SPAG16: variants seen among roughly 807,000 people sequenced by gnomAD.
SPAG16 encodes the protein sperm-associated antigen 16 protein.
In SPAG16, 86 loss-of-function variants were observed where a neutral mutation model predicts 80.4. The observed-to-expected ratio is 1.07, with a 90% CI of 0.90 to 1.28. The LOEUF (loss-of-function observed/expected upper bound fraction) is 1.28. Among genes scored for constraint, SPAG16 ranks in the 50% most tolerant of loss-of-function variants. The pLI is 0.00. For missense variants in SPAG16, 870 were observed against 765.3 expected, an observed-to-expected ratio of 1.14 and a Z score of -1.61; for synonymous variants, 294 against 265.9, an observed-to-expected ratio of 1.11 and a Z score of -1.03.
intron 15 of SPAG16, among the ~76,000 whole-genome samples, chr2:214,150,182 A>G (rs2055907534): frequency 1.3e-5 from 2 of 152,132 alleles, no homozygotes; most frequent in African/African-American, 2.4e-5. Context: ...TCTTTAGTCC[A>G]GAAAGTATGA....
intron 15 of SPAG16, among the ~76,000 whole-genome samples, chr2:214,250,753 T>TAGAGAGAGAGAGAGAG (rs747802708): frequency 4.0e-5 from 4 of 99,480 alleles, no homozygotes; most frequent in Non-Finnish European, 6.0e-5. Flanking sequence ...TATATATATA[T>TAGAGAGAGAGAGAGAG]ATATAGAGAG....
intron 10 of SPAG16, among the ~76,000 whole-genome samples, chr2:213,752,078 T>G (rs919501745): frequency 1.3e-5 from 2 of 152,214 alleles, no homozygotes; most frequent in Non-Finnish European, 2.9e-5. Flanking sequence ...AAACAATTGC[T>G]TTTTAATTTT....
Position 213,310,153 on chromosome 2 carries a change from C to T in SPAG16, c.374C>T (p.Thr125Ile). The T allele has an allele frequency of 6.2e-7, 1 of 1,608,414 alleles. No individual in the cohort carries two copies. Among genetic ancestry groups the T allele is most frequent in the Non-Finnish European group, 8.5e-7 (1 of 1,176,078 alleles). The change falls in exon 4 of 16, where the codon ACT becomes ATT. Residue 125 changes from threonine to isoleucine, a missense_variant. Coordinates refer to ENST00000331683, the MANE Select transcript of SPAG16 (RefSeq NM_024532.5). The stretch of plus-strand genomic sequence containing the variant: ...TTGATCAAAATGGGAATGACCAGAA[C>T]TCTTGATTGCTTTCAGTCTGAATGG... ...NFLIKMGMTRTLDCFQSEWYE... is the reference protein window; with the variant it reads ...NFLIKMGMTRILDCFQSEWYE...
chr2:213,441,099 C>T (rs1426144959), intron 9 of SPAG16, among the ~76,000 whole-genome samples: 1 of 152,078 alleles, frequency 6.6e-6, no homozygotes, highest in Non-Finnish European at 1.5e-5. Flanking sequence ...TGGAAATATG[C>T]ATACATTATA....
In SPAG16 at chr2:214,109,986, G is replaced by A. The variant is rs188391557; in HGVS notation, c.1593+1725G>A. Among the ~76,000 whole-genome samples, 315 of 152,182 alleles carry A rather than the reference G, an allele frequency of 2.1e-3. 1 individual carries two copies. Among genetic ancestry groups the A allele is most frequent in the Admixed American group, 3.5e-3 (53 of 15,272 alleles). ...AGCAATATAATAACTGCAAAAGACA[G>A]CATTTTACATTCTAAATATTAAACT... On this transcript the variant is annotated intron_variant, in intron 14 of 15. Coordinates refer to ENST00000331683, the MANE Select transcript of SPAG16 (RefSeq NM_024532.5).
chr2:213,933,666 CAG>C (rs1050838738), intron 12 of SPAG16, among the ~76,000 whole-genome samples: 1 of 152,170 alleles, frequency 6.6e-6, no homozygotes, highest in African/African-American at 2.4e-5. Flanking sequence ...TAGTAGGAAA[CAG>C]AGGGACTTGC....
Position 213,856,328 on chromosome 2 carries a change from C to G in SPAG16, c.1071-6157C>G, listed in dbSNP as rs543905058. Among the ~76,000 whole-genome samples the G allele has an allele frequency of 7.9e-5, 12 of 152,300 alleles. No homozygotes were observed. In the East Asian group the frequency reaches 2.3e-3, roughly 29 times the overall value. On this transcript the variant is annotated intron_variant, in intron 10 of 15. Transcript: ENST00000331683. ...TGGCTTTGCAGGATACAGCCCCCTC[C>G]CAGCTGCTTTCATGGGTATTGAGTG...
At chr2:213,938,269 G>T (rs941002919) in intron 12 of SPAG16, among the ~76,000 whole-genome samples, 1 of 151,952 alleles carries the variant, frequency 6.6e-6, no homozygotes, top group Non-Finnish European at 1.5e-5. Flanking sequence ...ATGACTAAAA[G>T]GGTTTAGTAT....
intron 3 of SPAG16, among the ~76,000 whole-genome samples, chr2:213,306,215 G>A (rs1575138777): frequency 6.6e-6 from 1 of 150,536 alleles, no homozygotes; most frequent in Non-Finnish European, 1.5e-5. Context: ...ATATTTATTT[G>A]AGTCTACTTT....
intron 15 of SPAG16, among the ~76,000 whole-genome samples, chr2:214,314,827 GT>G (rs962790622): frequency 6.6e-6 from 1 of 152,024 alleles, no homozygotes; most frequent in African/African-American, 2.4e-5. Context: ...AATGAAAGCT[GT>G]TTTAAAAACA....
At chr2:214,124,040 A>C (rs1271148262) in intron 14 of SPAG16, among the ~76,000 whole-genome samples, 1 of 152,020 alleles carries the variant, frequency 6.6e-6, no homozygotes, top group East Asian at 1.9e-4. Flanking sequence ...CTCAGTATAG[A>C]AGCACTAATC....
intron 9 of SPAG16, among the ~76,000 whole-genome samples, chr2:213,377,903 ATTTT>A (rs200597218): frequency 0.012 from 254 of 20,720 alleles, 1 homozygote; most frequent in African/African-American, 0.039. Context: ...ATATATATAT[ATTTT>A]TTTTTTTTTT....
intron 10 of SPAG16, among the ~76,000 whole-genome samples, chr2:213,638,871 C>T (rs1251742604): frequency 1.3e-5 from 2 of 152,110 alleles, no homozygotes; most frequent in African/African-American, 4.8e-5. Flanking sequence ...ATTGTGTTAT[C>T]TATCTCATTT....
intron 14 of SPAG16, among the ~76,000 whole-genome samples, chr2:214,130,059 C>A (rs1293740039): frequency 1.3e-5 from 2 of 152,128 alleles, no homozygotes; most frequent in Non-Finnish European, 2.9e-5. Context: ...AAGTGGGGGT[C>A]TGGCTTCAAT....
chr2:214,152,493 A>G (rs2125578908), intron 15 of SPAG16, among the ~76,000 whole-genome samples: 1 of 152,258 alleles, frequency 6.6e-6, no homozygotes, highest in Non-Finnish European at 1.5e-5. Context: ...AGGGATAATG[A>G]TATTCTCTAA....
intron 9 of SPAG16, among the ~76,000 whole-genome samples, chr2:213,377,105 T>C (rs1302379570): frequency 6.6e-6 from 1 of 152,254 alleles, no homozygotes; most frequent in Admixed American, 6.5e-5. Flanking sequence ...ATTCTTGTTC[T>C]ACCTTACACT....
intron 10 of SPAG16, among the ~76,000 whole-genome samples, chr2:213,598,640 A>G (rs914846552): frequency 2.6e-4 from 39 of 152,270 alleles, no homozygotes; most frequent in African/African-American, 8.9e-4. Flanking sequence ...TCTCTATTGT[A>G]ATTTTTGTTC....
chr2:214,110,160 T>A (rs563409787), intron 14 of SPAG16, among the ~76,000 whole-genome samples: 1 of 152,164 alleles, frequency 6.6e-6, no homozygotes, highest in Non-Finnish European at 1.5e-5. Flanking sequence ...ATTATTATAC[T>A]TTAAGGTCTA....
chr2:213,643,231 T>TTTTGTTTG (rs892203792), intron 10 of SPAG16, among the ~76,000 whole-genome samples: 2 of 149,440 alleles, frequency 1.3e-5, no homozygotes, highest in Non-Finnish European at 3.0e-5. Flanking sequence ...TAAAACTTGT[T>TTTTGTTTG]TTTGTTTGTT....
Sources: allele counts gnomAD v4.1 joint callset (sites outside exome capture counted in the v4.1 genomes callset), GRCh38; gene constraint gnomAD v4.1.1; transcripts MANE v1.5; gene names NCBI Gene and HGNC (gene_info 2026-07-23, HGNC 2026-07-21).